SMYD3: variants seen among roughly 807,000 people sequenced by gnomAD.
SMYD3 encodes histone-lysine N-methyltransferase SMYD3.
SMYD3 carries 36 observed loss-of-function variants against 57.7 expected under a neutral mutation model. The observed-to-expected ratio is 0.62, with a 90% CI of 0.48 to 0.82. The LOEUF (loss-of-function observed/expected upper bound fraction) is 0.82, where lower values mean the gene tolerates loss of function less well. Among genes scored for constraint, SMYD3 ranks in the 40% least tolerant of loss-of-function variants. The pLI is 0.00. For synonymous variants in SMYD3, 211 were observed against 195.0 expected (o/e 1.08, Z -0.68); for missense variants, 515 against 538.8 (o/e 0.96, Z 0.44).
chr1:246,404,958 T>C (rs1237845993), intron 1 of SMYD3, among the ~76,000 whole-genome samples: 1 of 152,094 alleles, frequency 6.6e-6, no homozygotes, highest in Admixed American at 6.5e-5. Flanking sequence ...AGGTACAGCA[T>C]GATTCTTTTT....
chr1:245,818,693 G>C (rs2048988370), intron 10 of SMYD3, among the ~76,000 whole-genome samples: 1 of 151,840 alleles, frequency 6.6e-6, no homozygotes, highest in Non-Finnish European at 1.5e-5. Context: ...TAAAAGGATG[G>C]AGGAAGATCT....
At chr1:246,317,268 C>T (rs1034777998) in intron 5 of SMYD3, among the ~76,000 whole-genome samples, 2 of 152,142 alleles carry the variant, frequency 1.3e-5, no homozygotes, top group Admixed American at 6.5e-5. Context: ...CAATGTAAAC[C>T]GACAGAACCA....
intron 5 of SMYD3, among the ~76,000 whole-genome samples, chr1:245,997,106 G>A (rs891226355): frequency 6.8e-6 from 1 of 146,188 alleles, no homozygotes; most frequent in Admixed American, 6.7e-5. Context: ...TTCAGGGCAT[G>A]GATTTTAATT....
At chr1:245,817,889 G>A (rs1341224744) in intron 10 of SMYD3, among the ~76,000 whole-genome samples, 3 of 152,120 alleles carry the variant, frequency 2.0e-5, no homozygotes, top group African/African-American at 7.2e-5. Flanking sequence ...AAGAAATATG[G>A]GACTATGTGA....
intron 5 of SMYD3, among the ~76,000 whole-genome samples, chr1:245,993,665 G>C (rs2058860996): frequency 8.8e-6 from 1 of 113,016 alleles, no homozygotes; most frequent in Non-Finnish European, 1.9e-5. Flanking sequence ...CAGACAGACA[G>C]ATATAGATTC....
At chr1:245,992,570 C>T (rs2058831413) in intron 5 of SMYD3, among the ~76,000 whole-genome samples, 2 of 144,066 alleles carry the variant, frequency 1.4e-5, no homozygotes, top group South Asian at 4.8e-4. Flanking sequence ...GGTCATGGAT[C>T]GGCCACTTCT....
chr1:246,262,169 A>G (rs2064024017), intron 5 of SMYD3, among the ~76,000 whole-genome samples: 1 of 152,230 alleles, frequency 6.6e-6, no homozygotes, highest in South Asian at 2.1e-4. Flanking sequence ...GAGTAGATAT[A>G]GAAGAGTGTA....
intron 1 of SMYD3, among the ~76,000 whole-genome samples, chr1:246,472,798 C>T (rs959720320): frequency 2.6e-5 from 4 of 151,248 alleles, no homozygotes; most frequent in African/African-American, 7.3e-5. Context: ...CTCCCCAAGG[C>T]AATCATATCT....
intron 10 of SMYD3, among the ~76,000 whole-genome samples, chr1:245,764,643 T>A (rs1486051106): frequency 6.6e-6 from 1 of 152,076 alleles, no homozygotes; most frequent in Non-Finnish European, 1.5e-5. Context: ...TGATTGAATC[T>A]CAGCTGTGGA....
At chr1:246,273,575 C>T (rs1182257523) in intron 5 of SMYD3, among the ~76,000 whole-genome samples, 33 of 84,362 alleles carry the variant, frequency 3.9e-4, no homozygotes, top group Middle Eastern at 0.012. Context: ...TTTCACTAAT[C>T]TTTTTTTTTT....
rs144980558 is a variant in SMYD3, at chr1:245,940,153, G to C, written c.532-10216C>G. The stretch of plus-strand genomic sequence containing the variant: ...CTGATCTCCCCGGGACACAGCACTG[G>C]GGGGAGGGGCAGCTATGGTCTCTAT... On this transcript the variant is annotated intron_variant, in intron 5 of 11. Coordinates refer to ENST00000490107, the MANE Select transcript of SMYD3 (RefSeq NM_001167740.2). Among the ~76,000 whole-genome samples the C allele has an allele frequency of 3.9e-5, 6 of 152,284 alleles. No homozygotes were observed. The East Asian group carries it at 5.8e-4, about 15-fold the overall frequency.
intron 5 of SMYD3, among the ~76,000 whole-genome samples, chr1:245,957,010 G>A (rs574003716): frequency 5.8e-4 from 88 of 152,220 alleles, no homozygotes; most frequent in African/African-American, 2.1e-3. Context: ...AACTAGAAAC[G>A]AATCATCAGG....
At chr1:245,874,928 G>A (rs2052409331) in intron 8 of SMYD3, among the ~76,000 whole-genome samples, 1 of 152,206 alleles carries the variant, frequency 6.6e-6, no homozygotes, top group African/African-American at 2.4e-5. Context: ...GGAGAGAGGG[G>A]TGACCAGATT....
chr1:246,133,370 A>G (rs2061616665), intron 5 of SMYD3, among the ~76,000 whole-genome samples: 1 of 152,138 alleles, frequency 6.6e-6, no homozygotes, highest in Admixed American at 6.6e-5. Context: ...AAGTTGGGAA[A>G]GGATGAGAAT....
chr1:246,465,641 C>A (rs6661155), intron 1 of SMYD3, among the ~76,000 whole-genome samples: 3 of 151,896 alleles, frequency 2.0e-5, no homozygotes, highest in African/African-American at 7.3e-5. Flanking sequence ...AGACCAGCAC[C>A]AGCCTGGGGA....
In SMYD3 at chr1:246,009,889, A is replaced by C. The variant is rs184051934; in HGVS notation, c.532-79952T>G. Among the ~76,000 whole-genome samples, 134 of 131,268 alleles carry C rather than the reference A, an allele frequency of 1.0e-3. 1 individual carries two copies. Among genetic ancestry groups the C allele is most frequent in the Middle Eastern group, 3.7e-3 (1 of 268 alleles). The allele number at this position is 131,268 out of a possible 152,430, so 86.1% of individuals were successfully genotyped here. On this transcript the variant is annotated intron_variant, in intron 5 of 11. Coordinates refer to ENST00000490107, the MANE Select transcript of SMYD3 (RefSeq NM_001167740.2). ...CAGTGGCGTGATCTCGGCTCACTGC[A>C]ACCTCCGCTTCGTGTCGTGAGATCA... is the stretch of plus-strand genomic sequence containing the variant.
chr1:246,352,915 C>A (rs939655674), intron 2 of SMYD3, among the ~76,000 whole-genome samples: 3 of 152,132 alleles, frequency 2.0e-5, no homozygotes, highest in Admixed American at 6.5e-5. Flanking sequence ...GATTAGAAAG[C>A]AAGTTTGCCT....
intron 5 of SMYD3, among the ~76,000 whole-genome samples, chr1:246,255,979 T>TAGATAGATAGATAGAC (rs1553320462): frequency 6.8e-6 from 1 of 147,650 alleles, no homozygotes; most frequent in African/African-American, 2.5e-5. Context: ...GATAGATAGA[T>TAGATAGATAGATAGAC]AGATAGATAC....
At chr1:246,150,007 T>G (rs1446660581) in intron 5 of SMYD3, among the ~76,000 whole-genome samples, 1 of 152,244 alleles carries the variant, frequency 6.6e-6, no homozygotes, top group Admixed American at 6.5e-5. Context: ...ATCTCTCTGT[T>G]CTTTTGCATC....
Sources: allele counts gnomAD v4.1 joint callset (sites outside exome capture counted in the v4.1 genomes callset), GRCh38; gene constraint gnomAD v4.1.1; transcripts MANE v1.5; gene names NCBI Gene and HGNC (gene_info 2026-07-23, HGNC 2026-07-21).